The following ANK2 variants were observed in gnomAD, a reference collection of about 807,000 sequenced individuals.
The protein encoded by ANK2 is ankyrin 2, also known as ankyrin-2.
Under a neutral mutation model 360.5 loss-of-function variants are expected in ANK2, and 83 were observed. That is an observed-to-expected ratio of 0.23 (90% CI 0.19 to 0.28). The LOEUF is 0.28. Among genes scored for constraint, ANK2 ranks in the 10% least tolerant of loss-of-function variants. ANK2 has a pLI of 1.00. For synonymous variants in ANK2, 1,740 were observed against 1,759.5 expected (o/e 0.99, Z 0.28); for missense variants, 4,201 against 4,795.7 (o/e 0.88, Z 3.66).
the ANK2 span, among the ~76,000 whole-genome samples, chr4:112,755,152 A>C: frequency 1.3e-5 from 2 of 152,124 alleles, no homozygotes; most frequent in Admixed American, 6.6e-5. Flanking sequence ...GGGCCCCATC[A>C]TTAATTTATT....
chr4:113,263,430 A>C (rs1345181476), intron 13 of ANK2, among the ~76,000 whole-genome samples: 1 of 152,230 alleles, frequency 6.6e-6, no homozygotes, highest in Non-Finnish European at 1.5e-5. Flanking sequence ...AGCCCATTAG[A>C]GGATAAATGA....
rs940341020 is a variant in ANK2, at chr4:113,145,247, A to T, written c.85-29169A>T. Among the ~76,000 whole-genome samples the T allele has an allele frequency of 1.4e-4, 21 of 152,214 alleles. 1 individual carries two copies. The highest frequency in any genetic ancestry group is 1.3e-3 in the Admixed American group (20 of 15,276). On this transcript the variant is annotated intron_variant, in intron 1 of 45. Transcript: ENST00000357077. ...TATTACATGTTAAAAGAACGGTAAAAGGATGGCTAATTGTTTTCTGTAACA... is the reference window on the plus strand; with the variant it reads ...TATTACATGTTAAAAGAACGGTAAATGGATGGCTAATTGTTTTCTGTAACA...
At chr4:112,870,462 T>C (rs545747435) in intron 1 of ANK2, among the ~76,000 whole-genome samples, 1 of 152,342 alleles carries the variant, frequency 6.6e-6, no homozygotes, top group African/African-American at 2.4e-5. Context: ...TGATTCATTT[T>C]CCACTTTAAG....
At chr4:112,763,618 C>T in the ANK2 span, among the ~76,000 whole-genome samples, 1 of 150,788 alleles carries the variant, frequency 6.6e-6, no homozygotes, top group East Asian at 2.0e-4. Context: ...CTGCAAGCTC[C>T]ACCTCCCGGG....
chr4:112,843,662 A>G (rs1177662506), intron 1 of ANK2, among the ~76,000 whole-genome samples: 1 of 152,192 alleles, frequency 6.6e-6, no homozygotes, highest in East Asian at 1.9e-4. Flanking sequence ...GAATTTCCCA[A>G]AAAATGAAAA....
At chr4:113,323,804 T>G in intron 26 of ANK2, 1 of 1,609,194 alleles carries the variant, frequency 6.2e-7, no homozygotes, top group Non-Finnish European at 8.5e-7. Context: ...GGTGAACTAC[T>G]GCATAATTCT....
the ANK2 span, among the ~76,000 whole-genome samples, chr4:112,734,815 A>G: frequency 6.6e-6 from 1 of 152,150 alleles, no homozygotes; most frequent in African/African-American, 2.4e-5. Context: ...ATTTGTTTCC[A>G]TTTTTACTTT....
intron 1 of ANK2, among the ~76,000 whole-genome samples, chr4:112,853,414 T>C (rs1378234594): frequency 6.6e-6 from 1 of 152,002 alleles, no homozygotes; most frequent in Non-Finnish European, 1.5e-5. Flanking sequence ...GATGCCAGGC[T>C]TGTCTTGAGC....
intron 2 of ANK2, among the ~76,000 whole-genome samples, chr4:113,023,855 T>G (rs2058690852): frequency 6.6e-6 from 1 of 152,244 alleles, no homozygotes; most frequent in Admixed American, 6.5e-5. Context: ...TTTTTTGATT[T>G]AATCGTATGT....
At chr4:112,842,063 G>A (rs1320440550) in intron 1 of ANK2, among the ~76,000 whole-genome samples, 1 of 151,734 alleles carries the variant, frequency 6.6e-6, no homozygotes, top group African/African-American at 2.4e-5. Flanking sequence ...AGGCTGGAGT[G>A]CAGTGATATG....
chr4:112,878,578 G>C (rs2075827748), intron 1 of ANK2, among the ~76,000 whole-genome samples: 1 of 152,040 alleles, frequency 6.6e-6, no homozygotes, highest in South Asian at 2.1e-4. Flanking sequence ...CACCTGCCTT[G>C]GCCTCCCAAA....
the ANK2 span, chr4:112,788,828 A>G: frequency 2.0e-6 from 2 of 1,007,408 alleles, no homozygotes; most frequent in Non-Finnish European, 3.1e-6. Context: ...TCTTCACGAC[A>G]GCAGGGGCCG....
chr4:112,944,162 G>C (rs1270236093), intron 2 of ANK2, among the ~76,000 whole-genome samples: 2 of 152,108 alleles, frequency 1.3e-5, no homozygotes, highest in Non-Finnish European at 2.9e-5. Flanking sequence ...TTCACTTATT[G>C]TTCCAGGAGG....
At chr4:113,138,802 G>T (rs562223811) in intron 1 of ANK2, among the ~76,000 whole-genome samples, 1 of 152,270 alleles carries the variant, frequency 6.6e-6, no homozygotes, top group African/African-American at 2.4e-5. Context: ...ATGAAGGGTT[G>T]TTATTTCTCT....
At chr4:112,758,433 T>TA in the ANK2 span, among the ~76,000 whole-genome samples, 1 of 152,126 alleles carries the variant, frequency 6.6e-6, no homozygotes, top group Non-Finnish European at 1.5e-5. Context: ...TTTTTTGAGA[T>TA]AGAGTCTCAC....
chr4:113,083,126 C>T (rs1262574000), intron 1 of ANK2, among the ~76,000 whole-genome samples: 3 of 151,670 alleles, frequency 2.0e-5, no homozygotes, highest in South Asian at 4.2e-4. Context: ...GGTATATGTG[C>T]ACAATGTGCA....
chr4:113,239,567 A>C (rs1585737381), intron 7 of ANK2, among the ~76,000 whole-genome samples: 1 of 152,294 alleles, frequency 6.6e-6, no homozygotes, highest in Middle Eastern at 3.4e-3. Context: ...AAAAATTATT[A>C]GATCTTTGTG....
chr4:113,356,996 T>C lies in ANK2; in HGVS notation c.8378T>C (p.Leu2793Pro), dbSNP rs1019663457. 1 of 1,614,042 alleles carries C rather than the reference T, an allele frequency of 6.2e-7. No homozygotes were observed. Among genetic ancestry groups the C allele is most frequent in the Non-Finnish European group, 8.5e-7 (1 of 1,179,958 alleles). ...SSSAAPVSSGLQSPTGDDVDE... is the reference protein window; with the variant it reads ...SSSAAPVSSGPQSPTGDDVDE... ...TCAGCTGCTCCTGTCTCTTCAGGTC[T>C]ACAGAGTCCGACTGGTGATGATGTT... Residue 2793 changes from leucine to proline, a missense_variant, in exon 38 of 46, where the codon CTA becomes CCA. Transcript: ENST00000357077.
chr4:113,028,368 A>C (rs1046033937), intron 2 of ANK2, among the ~76,000 whole-genome samples: 2 of 152,126 alleles, frequency 1.3e-5, no homozygotes, highest in Non-Finnish European at 1.5e-5. Flanking sequence ...CAAGTTAGAA[A>C]AATGCAGAGA....
Sources: gnomAD v4.1 joint callset for allele counts (sites outside exome capture counted in the v4.1 genomes callset) on GRCh38, gnomAD v4.1.1 for gene constraint, MANE v1.5 for transcripts, NCBI Gene and HGNC (gene_info 2026-07-23, HGNC 2026-07-21) for gene names.